ADAMTS17: variants seen among roughly 807,000 people sequenced by gnomAD.
ADAMTS17 encodes the protein ADAM metallopeptidase with thrombospondin type 1 motif 17, also known as A disintegrin and metalloproteinase with thrombospondin motifs 17.
ADAMTS17 carries 113 observed loss-of-function variants against 141.5 expected under a neutral mutation model. The ratio of observed to expected loss-of-function variants is 0.80; its 90% CI spans 0.69 to 0.93. The LOEUF is 0.93. ADAMTS17 is among the 40% of genes least tolerant of loss of function. The probability of loss-of-function intolerance (pLI) is 0.00; values close to 1 mark genes in which losing one functional copy is unlikely to be tolerated. For synonymous variants in ADAMTS17, 768 were observed against 630.6 expected (o/e 1.22, Z -3.27); for missense variants, 1,659 against 1,517.9 (o/e 1.09, Z -1.54).
In ADAMTS17 at chr15:99,977,387, TA is replaced by T. The variant is rs1567632433; in HGVS notation, c.2950-1166del. Among the ~76,000 whole-genome samples, 27 of 14,466 alleles carry T rather than the reference TA, an allele frequency of 1.9e-3. 6 individuals carry two copies. The highest frequency in any genetic ancestry group is 4.9e-3 in the African/African-American group (17 of 3,462). The allele number at this position is 14,466 out of a possible 152,430, so 9.5% of individuals were successfully genotyped here. A position where few individuals can be genotyped will look rare whatever the true frequency, so the allele number is the denominator to read the frequency against. On this transcript the variant is annotated intron_variant, in intron 20 of 21. Transcript: ENST00000268070. ...ATATATATATATATATATATATATA[TA>T]TATATATATATAATTTTTTTTTTTT...
At chr15:100,231,944 C>T (rs1268099258) in intron 7 of ADAMTS17, among the ~76,000 whole-genome samples, 4 of 152,274 alleles carry the variant, frequency 2.6e-5, no homozygotes, top group South Asian at 2.1e-4. Context: ...ATCTTGGCAT[C>T]GTCCTTAGTC....
intron 18 of ADAMTS17, among the ~76,000 whole-genome samples, chr15:100,033,888 G>A (rs1219750395): frequency 1.3e-5 from 2 of 152,306 alleles, no homozygotes; most frequent in East Asian, 1.9e-4. Context: ...GAAGCCAGTG[G>A]TGCCACGATC....
At chr15:100,012,162 T>A (rs1237884195) in intron 18 of ADAMTS17, among the ~76,000 whole-genome samples, 1 of 152,260 alleles carries the variant, frequency 6.6e-6, no homozygotes, top group Non-Finnish European at 1.5e-5. Context: ...AGCATTGTTT[T>A]CATATGTTTG....
chr15:100,203,269 A>T lies in ADAMTS17; in HGVS notation c.1076-3846T>A, dbSNP rs570665720. On this transcript the variant is annotated intron_variant, in intron 7 of 21. Coordinates refer to ENST00000268070, the MANE Select transcript of ADAMTS17 (RefSeq NM_139057.4). The stretch of plus-strand genomic sequence containing the variant: ...ACTCTTGAAAAAATCTGAAACACAG[A>T]GGGTAAAAATGAAGGGGTGTGGGCC... Among the ~76,000 whole-genome samples the T allele has an allele frequency of 3.9e-5, 6 of 152,344 alleles. No homozygotes were observed. In the East Asian group the frequency reaches 9.6e-4, roughly 24 times the overall value.
At chr15:100,235,571 A>T (rs1045942716) in intron 7 of ADAMTS17, among the ~76,000 whole-genome samples, 1 of 152,026 alleles carries the variant, frequency 6.6e-6, no homozygotes, top group Admixed American at 6.6e-5. Context: ...CACCTCAGAG[A>T]TTCTGACCCA....
At chr15:100,172,943 A>G (rs1456813124) in intron 8 of ADAMTS17, among the ~76,000 whole-genome samples, 2 of 152,186 alleles carry the variant, frequency 1.3e-5, no homozygotes, top group African/African-American at 4.8e-5. Context: ...ACATCTATCA[A>G]AGTTTGAGAG....
At chr15:100,223,995 G>T (rs958720788) in intron 7 of ADAMTS17, among the ~76,000 whole-genome samples, 2 of 152,098 alleles carry the variant, frequency 1.3e-5, no homozygotes, top group African/African-American at 4.8e-5. Context: ...AAAGACGTAG[G>T]CTGGGAGGCT....
intron 7 of ADAMTS17, among the ~76,000 whole-genome samples, chr15:100,208,582 C>T (rs560208163): frequency 3.9e-5 from 6 of 152,248 alleles, no homozygotes; most frequent in South Asian, 4.2e-4. Context: ...AGGCCCTGCC[C>T]GGGGGCTGAT....
intron 15 of ADAMTS17, 144 bp downstream of exon 15, chr15:100,096,212 T>TCA: frequency 7.0e-7 from 1 of 1,422,526 alleles, no homozygotes; most frequent in Non-Finnish European, 9.6e-7. Flanking sequence ...TTCTTGCTTT[T>TCA]CAGAAATGAA....
intron 18 of ADAMTS17, among the ~76,000 whole-genome samples, chr15:100,000,515 A>G (rs2060898626): frequency 6.6e-6 from 1 of 152,038 alleles, no homozygotes; most frequent in Non-Finnish European, 1.5e-5. Flanking sequence ...AACAGCCACT[A>G]TCTTCTTTAT....
intron 15 of ADAMTS17, among the ~76,000 whole-genome samples, chr15:100,078,789 A>C (rs1422368384): frequency 2.0e-5 from 3 of 152,228 alleles, no homozygotes; most frequent in Non-Finnish European, 4.4e-5. Flanking sequence ...CAACTCATAC[A>C]CTGGGAGAAA....
intron 4 of ADAMTS17, among the ~76,000 whole-genome samples, chr15:100,265,269 A>T (rs1041136493): frequency 6.6e-6 from 1 of 152,230 alleles, no homozygotes. Flanking sequence ...GCCACAAAAC[A>T]CAAGGCACAA....
At chr15:100,052,701 T>C (rs546133470) in intron 16 of ADAMTS17, among the ~76,000 whole-genome samples, 148 of 152,358 alleles carry the variant, frequency 9.7e-4, no homozygotes, top group African/African-American at 3.4e-3. Flanking sequence ...GGAGGATTTG[T>C]TCTGACTGTG....
intron 10 of ADAMTS17, among the ~76,000 whole-genome samples, chr15:100,137,255 G>T (rs1280793227): frequency 6.6e-6 from 1 of 152,220 alleles, no homozygotes; most frequent in Admixed American, 6.5e-5. Flanking sequence ...AGACAAGGCA[G>T]AAATGACAGA....
chr15:100,226,954 T>C (rs909002316), intron 7 of ADAMTS17, among the ~76,000 whole-genome samples: 4 of 152,142 alleles, frequency 2.6e-5, no homozygotes, highest in African/African-American at 9.7e-5. Flanking sequence ...TTTGATGCAA[T>C]TAAGTGACAA....
In ADAMTS17 at chr15:100,306,552, C is replaced by T. The variant is rs146778481; in HGVS notation, c.616+24337G>A. 6.5e-3 allele frequency: 2,972 copies of T among 456,052 alleles called. 41 individuals carry two copies. The highest frequency in any genetic ancestry group is 0.048 in the Middle Eastern group (147 of 3,070). 28.3% of individuals were successfully genotyped at this position (456,052 alleles called of 1,614,324 possible). ...TCCAGCCTCCAGATTTCAAGTCCTCCCAGGTGAGGCCCAGACACTGTGGAA... is the reference window on the plus strand; with the variant it reads ...TCCAGCCTCCAGATTTCAAGTCCTCTCAGGTGAGGCCCAGACACTGTGGAA... On this transcript the variant is annotated intron_variant, in intron 3 of 21. Transcript: ENST00000268070.
At chr15:100,254,678 G>C (rs1405535855) in intron 6 of ADAMTS17, among the ~76,000 whole-genome samples, 2 of 152,202 alleles carry the variant, frequency 1.3e-5, no homozygotes, top group Admixed American at 6.5e-5. Flanking sequence ...AAAGGAATGA[G>C]ATCATGTTCT....
intron 4 of ADAMTS17, among the ~76,000 whole-genome samples, chr15:100,279,240 C>G (rs1376006153): frequency 6.6e-6 from 1 of 152,224 alleles, no homozygotes; most frequent in African/African-American, 2.4e-5. Flanking sequence ...TACCCGCACT[C>G]TGAGCCCCTC....
At chr15:100,101,568 G>A (rs767079635) in intron 14 of ADAMTS17, among the ~76,000 whole-genome samples, 25 of 152,104 alleles carry the variant, frequency 1.6e-4, no homozygotes, top group Non-Finnish European at 3.1e-4. Context: ...TCTCCCTAAC[G>A]GACCATAAGC....
Sources: allele counts gnomAD v4.1 joint callset (sites outside exome capture counted in the v4.1 genomes callset), GRCh38; gene constraint gnomAD v4.1.1; transcripts MANE v1.5; gene names NCBI Gene and HGNC (gene_info 2026-07-23, HGNC 2026-07-21).